The following KHDRBS2 variants were observed in gnomAD, a reference collection of about 807,000 sequenced individuals.
The protein encoded by KHDRBS2 is KH domain-containing, RNA-binding, signal transduction-associated protein 2.
In KHDRBS2, 26 loss-of-function variants were observed where a neutral mutation model predicts 44.3. The observed-to-expected ratio is 0.59, with a 90% CI of 0.43 to 0.81. KHDRBS2 has a LOEUF of 0.81. KHDRBS2 is among the 40% of genes least tolerant of loss of function. KHDRBS2 has a pLI of 0.00. For synonymous variants in KHDRBS2, 194 were observed against 151.1 expected (o/e 1.28, Z -2.08); for missense variants, 476 against 433.1 (o/e 1.10, Z -0.88).
chr6:61,621,983 A>G, the KHDRBS2 span, among the ~76,000 whole-genome samples: 1 of 152,318 alleles, frequency 6.6e-6, no homozygotes, highest in East Asian at 1.9e-4. Flanking sequence ...CCAGAAGTAT[A>G]TAATTCATCA....
At chr6:62,063,061 C>A (rs1258062499) in intron 2 of KHDRBS2, among the ~76,000 whole-genome samples, 1 of 145,434 alleles carries the variant, frequency 6.9e-6, no homozygotes, top group Non-Finnish European at 1.5e-5. Flanking sequence ...CACATACACT[C>A]TCCCAAGACT....
chr6:61,863,121 AGTG>A (rs1043434882), intron 6 of KHDRBS2, among the ~76,000 whole-genome samples: 1 of 152,024 alleles, frequency 6.6e-6, no homozygotes, highest in Admixed American at 6.6e-5. Flanking sequence ...CTATGGGGTC[AGTG>A]ACAATATCCC....
chr6:62,058,407 G>A (rs1790800391), intron 2 of KHDRBS2, among the ~76,000 whole-genome samples: 1 of 151,810 alleles, frequency 6.6e-6, no homozygotes, highest in Non-Finnish European at 1.5e-5. Flanking sequence ...TTCCTGATTT[G>A]GGGATGAATC....
At position 62,285,996 on chromosome 6, in the gene KHDRBS2, C is replaced by T. The variant is rs1249982564; in HGVS notation, c.-48G>A. 3 of 1,213,780 alleles carry T rather than the reference C, an allele frequency of 2.5e-6. No individual in the cohort carries two copies. In the Admixed American group the frequency reaches 5.4e-5, roughly 22 times the overall value. 75.2% of individuals were successfully genotyped at this position (1,213,780 alleles called of 1,614,324 possible). A position where few individuals can be genotyped will look rare whatever the true frequency, so the allele number is the denominator to read the frequency against. On this transcript the variant is annotated 5_prime_UTR_variant, in exon 1 of 9. Coordinates refer to ENST00000281156, the MANE Select transcript of KHDRBS2 (RefSeq NM_152688.4). The stretch of plus-strand genomic sequence containing the variant: ...CGGGCGAAGCGCGAGGTTCCGCTCG[C>T]TCGGACGCAGGCAGGGTCTTGGGGC...
intron 4 of KHDRBS2, among the ~76,000 whole-genome samples, chr6:61,918,924 A>G (rs1807517827): frequency 6.6e-6 from 1 of 151,958 alleles, no homozygotes. Context: ...GCCTGAACAC[A>G]GGAATTCTGA....
intron 4 of KHDRBS2, among the ~76,000 whole-genome samples, chr6:61,972,227 T>C (rs1171061549): frequency 1.3e-5 from 2 of 152,170 alleles, no homozygotes; most frequent in Non-Finnish European, 2.9e-5. Flanking sequence ...TTAGCAATGA[T>C]ACAGTAGTCC....
chr6:61,660,360 C>T, the KHDRBS2 span, among the ~76,000 whole-genome samples: 1 of 151,762 alleles, frequency 6.6e-6, no homozygotes, highest in Non-Finnish European at 1.5e-5. Flanking sequence ...GTATCCATAA[C>T]TGTTCTCAAC....
At chr6:61,722,183 T>G (rs1389282562) in intron 7 of KHDRBS2, among the ~76,000 whole-genome samples, 3 of 152,116 alleles carry the variant, frequency 2.0e-5, no homozygotes, top group Non-Finnish European at 2.9e-5. Context: ...CGGTTTGCCA[T>G]TATTTTATTG....
At chr6:62,007,038 T>C (rs1270105722) in intron 3 of KHDRBS2, among the ~76,000 whole-genome samples, 2 of 152,084 alleles carry the variant, frequency 1.3e-5, no homozygotes, top group South Asian at 2.1e-4. Context: ...TACATCTACA[T>C]GTAAGACAAA....
intron 4 of KHDRBS2, among the ~76,000 whole-genome samples, chr6:61,957,652 G>A (rs552837879): frequency 6.6e-6 from 1 of 152,248 alleles, no homozygotes; most frequent in South Asian, 2.1e-4. Context: ...CCTGTCTCCT[G>A]ATAAGATGTT....
intron 7 of KHDRBS2, among the ~76,000 whole-genome samples, chr6:61,723,662 C>T (rs551027650): frequency 8.6e-5 from 13 of 151,848 alleles, no homozygotes; most frequent in South Asian, 2.1e-4. Flanking sequence ...AAACTCAATA[C>T]GAGAACGTCA....
intron 2 of KHDRBS2, among the ~76,000 whole-genome samples, chr6:62,164,167 C>A (rs1818210002): frequency 1.3e-5 from 2 of 151,658 alleles, no homozygotes; most frequent in Admixed American, 1.3e-4. Flanking sequence ...TAATAAGGAA[C>A]TATATGATGT....
chr6:62,200,008 G>A (rs1161720610), intron 1 of KHDRBS2, among the ~76,000 whole-genome samples: 1 of 152,136 alleles, frequency 6.6e-6, no homozygotes, highest in Non-Finnish European at 1.5e-5. Flanking sequence ...TTAATAAATG[G>A]TGCTGGGAAA....
the KHDRBS2 span, among the ~76,000 whole-genome samples, chr6:61,626,310 G>C: frequency 6.6e-6 from 1 of 152,172 alleles, no homozygotes; most frequent in Non-Finnish European, 1.5e-5. Context: ...ATACATGTGA[G>C]TATTGTTGCA....
At chr6:62,020,312 C>A (rs1782023651) in intron 3 of KHDRBS2, among the ~76,000 whole-genome samples, 2 of 151,894 alleles carry the variant, frequency 1.3e-5, no homozygotes, top group Non-Finnish European at 2.9e-5. Flanking sequence ...AGACAATATC[C>A]TTTTAACACT....
rs1003332836 is a variant in KHDRBS2 at position 61,906,137 on chromosome 6, C to T, written c.484-4766G>A. The stretch of plus-strand genomic sequence containing the variant: ...CTGGGAATATAGGCGTGAGTCACCG[C>T]GCCTGGCGGAAAACATTTTTTAAAA... On this transcript the variant is annotated intron_variant, in intron 4 of 8. Coordinates refer to ENST00000281156, the MANE Select transcript of KHDRBS2 (RefSeq NM_152688.4). 1.6e-4 allele frequency among the ~76,000 whole-genome samples: 25 copies of T among 152,138 alleles called. 1 individual carries two copies. Among genetic ancestry groups the T allele is most frequent in the Admixed American group, 5.9e-4 (9 of 15,258 alleles).
chr6:61,906,277 T>C (rs575121771), intron 4 of KHDRBS2, among the ~76,000 whole-genome samples: 1 of 152,292 alleles, frequency 6.6e-6, no homozygotes, highest in East Asian at 1.9e-4. Flanking sequence ...GTATATAATA[T>C]GTATATATTT....
chr6:61,940,749 G>C (rs973154916), intron 4 of KHDRBS2, among the ~76,000 whole-genome samples: 1 of 152,158 alleles, frequency 6.6e-6, no homozygotes, highest in Non-Finnish European at 1.5e-5. Context: ...GTAGCAACCT[G>C]AAGCTTAGGT....
At chr6:62,026,158 G>A (rs1783266617) in intron 3 of KHDRBS2, among the ~76,000 whole-genome samples, 3 of 151,656 alleles carry the variant, frequency 2.0e-5, no homozygotes, top group South Asian at 2.1e-4. Context: ...AGCTGTAAGT[G>A]TCCATTTACT....
Sources: gnomAD v4.1 joint callset for allele counts (sites outside exome capture counted in the v4.1 genomes callset) on GRCh38, gnomAD v4.1.1 for gene constraint, MANE v1.5 for transcripts, NCBI Gene and HGNC (gene_info 2026-07-23, HGNC 2026-07-21) for gene names.